Variants in HACD2 observed in about 807,000 individuals in gnomAD.
The protein encoded by HACD2 is 3-hydroxyacyl-CoA dehydratase 2.
A neutral mutation model predicts 31.0 loss-of-function variants in HACD2; 15 were observed. The ratio of observed to expected loss-of-function variants is 0.48; its 90% CI spans 0.32 to 0.75. HACD2 has a LOEUF of 0.75. HACD2 is among the 30% of genes least tolerant of loss of function. HACD2 has a pLI of 0.03. For missense variants in HACD2, 283 were observed against 313.0 expected, an observed-to-expected ratio of 0.90 and a Z score of 0.72; for synonymous variants, 115 against 122.2, an observed-to-expected ratio of 0.94 and a Z score of 0.39.
chr3:123,575,900 C>A (rs188811342), intron 2 of HACD2, among the ~76,000 whole-genome samples: 1 of 152,104 alleles, frequency 6.6e-6, no homozygotes, highest in Non-Finnish European at 1.5e-5. Context: ...AGTGAGGTGG[C>A]CTTTCAGTTC....
chr3:123,507,523 TTA>T (rs1398760777), intron 4 of HACD2, among the ~76,000 whole-genome samples: 2 of 152,158 alleles, frequency 1.3e-5, no homozygotes, highest in African/African-American at 4.8e-5. Flanking sequence ...TCATCATACA[TTA>T]TATGATTCCA....
intron 4 of HACD2, among the ~76,000 whole-genome samples, chr3:123,520,844 T>C (rs1279789030): frequency 6.6e-6 from 1 of 152,186 alleles, no homozygotes; most frequent in East Asian, 1.9e-4. Flanking sequence ...TTTAAGCTGA[T>C]CACATATAAC....
chr3:123,522,138 T>G (rs2056223514), intron 4 of HACD2, among the ~76,000 whole-genome samples: 1 of 151,916 alleles, frequency 6.6e-6, no homozygotes, highest in African/African-American at 2.4e-5. Flanking sequence ...AGACCGTGCC[T>G]CTACAAAAAT....
chr3:123,516,945 T>C (rs2056145581), intron 4 of HACD2, among the ~76,000 whole-genome samples: 1 of 152,240 alleles, frequency 6.6e-6, no homozygotes, highest in Non-Finnish European at 1.5e-5. Context: ...ATCTCCAGAC[T>C]TCCTGGCTGC....
At chr3:123,517,654 A>G (rs373067779) in intron 4 of HACD2, among the ~76,000 whole-genome samples, 2 of 152,312 alleles carry the variant, frequency 1.3e-5, no homozygotes. Context: ...TGCCCACCCA[A>G]CACTCCAGAG....
chr3:123,528,972 C>G (rs1037274797), intron 3 of HACD2, among the ~76,000 whole-genome samples: 3 of 150,914 alleles, frequency 2.0e-5, no homozygotes, highest in Admixed American at 6.7e-5. Context: ...ATTTTGCCAA[C>G]AAGCATAACA....
intron 2 of HACD2, among the ~76,000 whole-genome samples, chr3:123,577,709 A>G (rs958936725): frequency 6.6e-6 from 1 of 152,162 alleles, no homozygotes; most frequent in Non-Finnish European, 1.5e-5. Flanking sequence ...TCTCTCAAAC[A>G]TAATTTTAAA....
chr3:123,579,764 A>G (rs2056946046), intron 2 of HACD2, among the ~76,000 whole-genome samples: 1 of 152,196 alleles, frequency 6.6e-6, no homozygotes, highest in African/African-American at 2.4e-5. Context: ...TGTACTGGCC[A>G]AGGTTCTGAA....
intron 2 of HACD2, among the ~76,000 whole-genome samples, chr3:123,579,814 A>G (rs573815386): frequency 2.0e-5 from 3 of 152,312 alleles, no homozygotes; most frequent in African/African-American, 7.2e-5. Flanking sequence ...CGCTTCCAAA[A>G]AAAGTTCAAG....
At chr3:123,528,714 C>G (rs1027095209) in intron 3 of HACD2, among the ~76,000 whole-genome samples, 2 of 152,128 alleles carry the variant, frequency 1.3e-5, no homozygotes, top group Non-Finnish European at 2.9e-5. Context: ...AGGTACCTTT[C>G]TTAAACCTCT....
intron 4 of HACD2, among the ~76,000 whole-genome samples, chr3:123,509,643 T>C (rs1255778227): frequency 4.0e-5 from 6 of 151,724 alleles, no homozygotes; most frequent in Admixed American, 1.3e-4. Flanking sequence ...GGACTACAGG[T>C]GCCTGCCACC....
At chr3:123,566,964 A>G (rs1559932091) in intron 3 of HACD2, among the ~76,000 whole-genome samples, 2 of 152,196 alleles carry the variant, frequency 1.3e-5, no homozygotes, top group South Asian at 4.1e-4. Context: ...CCCTGAATAT[A>G]GCAACTACCC....
intron 3 of HACD2, among the ~76,000 whole-genome samples, chr3:123,556,237 G>A (rs2056671248): frequency 1.3e-5 from 2 of 152,018 alleles, no homozygotes; most frequent in South Asian, 4.2e-4. Flanking sequence ...AGGAGTTCAA[G>A]ACCATCCCTG....
intron 2 of HACD2, among the ~76,000 whole-genome samples, chr3:123,573,939 C>G (rs1010662511): frequency 1.3e-5 from 2 of 152,206 alleles, no homozygotes; most frequent in South Asian, 2.1e-4. Context: ...TGAAGTCTCA[C>G]AGAACTTAAA....
intron 5 of HACD2, 115 bp downstream of exon 5, chr3:123,502,445 A>T: frequency 1.8e-6 from 2 of 1,094,188 alleles, no homozygotes; most frequent in Non-Finnish European, 2.6e-6. Context: ...CAAAATTTCT[A>T]CCCAACCCGT....
At chr3:123,500,727 C>A in intron 5 of HACD2, 34 bp from the exon 6 acceptor site, 1 of 1,488,032 alleles carries the variant, frequency 6.7e-7, no homozygotes, top group South Asian at 1.3e-5. Context: ...TACTGAGGCT[C>A]AAAGTCAGCT....
chr3:123,577,120 T>A (rs1433294415), intron 2 of HACD2, among the ~76,000 whole-genome samples: 2 of 152,108 alleles, frequency 1.3e-5, no homozygotes, highest in African/African-American at 4.8e-5. Context: ...AGAAGAAAGA[T>A]CTGGAAGAGA....
At chr3:123,528,709 C>T (rs2056315298) in intron 3 of HACD2, among the ~76,000 whole-genome samples, 1 of 152,108 alleles carries the variant, frequency 6.6e-6, no homozygotes, top group Admixed American at 6.5e-5. Flanking sequence ...GATCCAGGTA[C>T]CTTTCTTAAA....
At chr3:123,541,954 C>T (rs926680877) in intron 3 of HACD2, among the ~76,000 whole-genome samples, 19 of 151,364 alleles carry the variant, frequency 1.3e-4, no homozygotes, top group South Asian at 4.2e-4. Flanking sequence ...GAGACCATCC[C>T]GGCTAAAACG....
Sources: gnomAD v4.1 joint callset for allele counts (sites outside exome capture counted in the v4.1 genomes callset) on GRCh38, gnomAD v4.1.1 for gene constraint, MANE v1.5 for transcripts, NCBI Gene and HGNC (gene_info 2026-07-23, HGNC 2026-07-21) for gene names.